SDHAF3: variants seen among roughly 807,000 people sequenced by gnomAD.
The protein encoded by SDHAF3 is succinate dehydrogenase complex assembly factor 3, also known as succinate dehydrogenase assembly factor 3, mitochondrial.
In SDHAF3, 18 loss-of-function variants were observed where a neutral mutation model predicts 11.5. The observed-to-expected ratio is 1.56, with a 90% confidence interval of 1.08 to 2.32. The LOEUF (loss-of-function observed/expected upper bound fraction) is 2.32. Among genes scored for constraint, SDHAF3 ranks in the 30% most tolerant of loss-of-function variants. The pLI, the probability that SDHAF3 is intolerant of heterozygous loss-of-function variation, is 0.00. For synonymous variants in SDHAF3, 72 were observed against 59.3 expected, an observed-to-expected ratio of 1.21 and a Z score of -0.99; for missense variants, 200 against 154.4, an observed-to-expected ratio of 1.30 and a Z score of -1.57.
chr7:97,119,701 A>T (rs1420716685), intron 1 of SDHAF3, among the ~76,000 whole-genome samples: 1 of 152,138 alleles, frequency 6.6e-6, no homozygotes, highest in African/African-American at 2.4e-5. Context: ...GCATTTAGTT[A>T]TTCTTTTTCC....
intron 1 of SDHAF3, among the ~76,000 whole-genome samples, chr7:97,126,844 C>CG (rs1261013320): frequency 4.8e-5 from 5 of 103,638 alleles, no homozygotes; most frequent in South Asian, 3.4e-4. Flanking sequence ...ACTGGAGTAC[C>CG]GAAAAAAAAA....
intron 1 of SDHAF3, among the ~76,000 whole-genome samples, chr7:97,121,858 T>G (rs570710770): frequency 1.9e-3 from 272 of 140,644 alleles, no homozygotes; most frequent in Non-Finnish European, 3.0e-3. Context: ...TTTTTTGTTT[T>G]TTTTTTTTTT....
intron 1 of SDHAF3, among the ~76,000 whole-genome samples, chr7:97,156,742 A>G (rs1349300989): frequency 6.6e-6 from 1 of 152,074 alleles, no homozygotes; most frequent in African/African-American, 2.4e-5. Flanking sequence ...CACAGTCATG[A>G]GGATGCTAAG....
At chr7:97,140,831 T>G (rs1789022828) in intron 1 of SDHAF3, among the ~76,000 whole-genome samples, 1 of 152,174 alleles carries the variant, frequency 6.6e-6, no homozygotes, top group Non-Finnish European at 1.5e-5. Context: ...CAATATGAAA[T>G]CTGGGCACCT....
At chr7:97,125,107 T>G (rs1791555984) in intron 1 of SDHAF3, among the ~76,000 whole-genome samples, 1 of 152,168 alleles carries the variant, frequency 6.6e-6, no homozygotes, top group Non-Finnish European at 1.5e-5. Flanking sequence ...TTATTGTGTC[T>G]ATTTGATTCT....
intron 1 of SDHAF3, among the ~76,000 whole-genome samples, chr7:97,164,480 G>T (rs917992177): frequency 2.0e-5 from 3 of 150,480 alleles, no homozygotes; most frequent in Non-Finnish European, 4.4e-5. Flanking sequence ...GGATTAAAGC[G>T]ATTCTCCTGC....
chr7:97,169,869 A>G (rs1472507538), intron 1 of SDHAF3, among the ~76,000 whole-genome samples: 2 of 152,136 alleles, frequency 1.3e-5, no homozygotes, highest in Non-Finnish European at 2.9e-5. Flanking sequence ...ATAGTAAAAT[A>G]ATTGGAAGAA....
intron 1 of SDHAF3, among the ~76,000 whole-genome samples, chr7:97,155,139 T>C (rs1180527918): frequency 6.6e-6 from 1 of 152,232 alleles, no homozygotes; most frequent in Non-Finnish European, 1.5e-5. Flanking sequence ...AGCTTGTCTT[T>C]ATGTACAAAA....
intron 1 of SDHAF3, among the ~76,000 whole-genome samples, chr7:97,164,016 C>G (rs1789458313): frequency 6.6e-6 from 1 of 151,640 alleles, no homozygotes. Context: ...GGCGCGATCG[C>G]AGGTCACTGC....
chr7:97,129,549 C>T (rs552165786), intron 1 of SDHAF3, among the ~76,000 whole-genome samples: 15 of 152,152 alleles, frequency 9.9e-5, no homozygotes, highest in Non-Finnish European at 2.1e-4. Flanking sequence ...AAAAAATAAG[C>T]TCTCGTGATA....
At chr7:97,156,046 C>G (rs1397447595) in intron 1 of SDHAF3, among the ~76,000 whole-genome samples, 3 of 152,064 alleles carry the variant, frequency 2.0e-5, no homozygotes, top group African/African-American at 7.3e-5. Flanking sequence ...TAACTAAAGT[C>G]CATTCTTATT....
rs1789778775 is a variant in SDHAF3 at position 97,181,727 on chromosome 7, T to A, written c.*512T>A. Reference sequence around the variant, plus strand: ...GAAGCTTTAAAATTCACTATTTTACTATCAATCATTTGTATAATAAACTAT... The same window carrying A: ...GAAGCTTTAAAATTCACTATTTTACAATCAATCATTTGTATAATAAACTAT... On this transcript the variant is annotated 3_prime_UTR_variant, in exon 2 of 2. Transcript: ENST00000432641. 6.5e-6 allele frequency: 1 copy of A among 153,588 alleles called. No individual in the cohort carries two copies. The highest frequency in any genetic ancestry group is 1.4e-5 in the Non-Finnish European group (1 of 68,992). The allele number at this position is 153,588 out of a possible 1,614,324, so 9.5% of individuals were successfully genotyped here.
chr7:97,143,845 A>G (rs1789094385), intron 1 of SDHAF3, among the ~76,000 whole-genome samples: 1 of 152,198 alleles, frequency 6.6e-6, no homozygotes, highest in South Asian at 2.1e-4. Flanking sequence ...CTCTGGGTAG[A>G]TACCCAGTAG....
intron 1 of SDHAF3, among the ~76,000 whole-genome samples, chr7:97,142,042 CTTTTTTTTT>C (rs71131003): frequency 0.14 from 8,359 of 61,080 alleles, 222 homozygotes; most frequent in Middle Eastern, 0.22. Flanking sequence ...GAATTGTTGT[CTTTTTTTTT>C]TTTTTTTTTT....
chr7:97,146,119 C>T (rs188127723), intron 1 of SDHAF3, among the ~76,000 whole-genome samples: 1 of 152,072 alleles, frequency 6.6e-6, no homozygotes, highest in Non-Finnish European at 1.5e-5. Flanking sequence ...GCTTTCCCCC[C>T]CCCACTTTTG....
At chr7:97,120,480 C>T (rs983619332) in intron 1 of SDHAF3, among the ~76,000 whole-genome samples, 1 of 151,894 alleles carries the variant, frequency 6.6e-6, no homozygotes, top group Non-Finnish European at 1.5e-5. Flanking sequence ...CTTAAGACTT[C>T]CAAGTCTTTT....
chr7:97,118,379 A>G (rs1378620232), intron 1 of SDHAF3, among the ~76,000 whole-genome samples: 1 of 152,218 alleles, frequency 6.6e-6, no homozygotes, highest in Non-Finnish European at 1.5e-5. Flanking sequence ...ATCAGGTAAC[A>G]TGAAAAAGAT....
intron 1 of SDHAF3, among the ~76,000 whole-genome samples, chr7:97,180,170 C>G (rs1449582043): frequency 6.6e-6 from 1 of 152,128 alleles, no homozygotes; most frequent in Non-Finnish European, 1.5e-5. Flanking sequence ...GGTTGTTAAA[C>G]ATTGAAGACT....
Position 97,181,345 on chromosome 7 carries a change from T to A in SDHAF3, c.*130T>A, listed in dbSNP as rs939842488. 17 of 682,718 alleles carry A rather than the reference T, an allele frequency of 2.5e-5. No individual in the cohort carries two copies. In the African/African-American group the frequency reaches 3.1e-4, roughly 12 times the overall value. The allele number at this position is 682,718 out of a possible 1,614,324, so 42.3% of individuals were successfully genotyped here. A position where few individuals can be genotyped will look rare whatever the true frequency, so the allele number is the denominator to read the frequency against. On this transcript the variant is annotated 3_prime_UTR_variant, in exon 2 of 2. Transcript: ENST00000432641. ...TGAAATACTCTTTTATTTTGGATAT[T>A]ATGATTGCAGTATATGGATCAAGAT...
Sources: allele counts gnomAD v4.1 joint callset (sites outside exome capture counted in the v4.1 genomes callset), GRCh38; gene constraint gnomAD v4.1.1; transcripts MANE v1.5; gene names NCBI Gene and HGNC (gene_info 2026-07-23, HGNC 2026-07-21).